The following FBXO16 variants were observed in gnomAD, a reference collection of about 807,000 sequenced individuals.
FBXO16 encodes the protein F-box protein 16.
FBXO16 carries 31 observed loss-of-function variants against 41.0 expected under a neutral mutation model. That is an observed-to-expected ratio of 0.76 (90% CI 0.57 to 1.02). The LOEUF is 1.02. Ranked by LOEUF, FBXO16 falls within the 50% of genes least tolerant of loss-of-function variation. The pLI is 0.00. For synonymous variants in FBXO16, 133 were observed against 117.8 expected, an observed-to-expected ratio of 1.13 and a Z score of -0.84; for missense variants, 361 against 346.2, an observed-to-expected ratio of 1.04 and a Z score of -0.34.
At chr8:28,462,452 G>A (rs180849071) in intron 4 of FBXO16, among the ~76,000 whole-genome samples, 26 of 151,186 alleles carry the variant, frequency 1.7e-4, no homozygotes, top group Admixed American at 3.9e-4. Flanking sequence ...CTAATTTTTC[G>A]TATTTTTAGT....
At chr8:28,448,451 A>G (rs1429701880) in intron 6 of FBXO16, among the ~76,000 whole-genome samples, 2 of 152,128 alleles carry the variant, frequency 1.3e-5, no homozygotes, top group African/African-American at 4.8e-5. Context: ...CTTATTTTGT[A>G]TATTTAATTT....
chr8:28,445,742 T>C (rs1471389348), intron 7 of FBXO16, among the ~76,000 whole-genome samples: 1 of 152,226 alleles, frequency 6.6e-6, no homozygotes. Context: ...CTCATCTCTC[T>C]CTCTCTTTCT....
chr8:28,447,425 G>C (rs1172620957), intron 6 of FBXO16, 152 bp from the exon 7 acceptor site: 2 of 621,488 alleles, frequency 3.2e-6, no homozygotes, highest in African/African-American at 3.7e-5. Context: ...TATCAATAGA[G>C]AACTGGTTGC....
intron 1 of FBXO16, among the ~76,000 whole-genome samples, chr8:28,484,280 T>C (rs887210823): frequency 6.6e-6 from 1 of 152,188 alleles, no homozygotes; most frequent in Non-Finnish European, 1.5e-5. Flanking sequence ...GATATCCAAG[T>C]AACAGGAACT....
intron 7 of FBXO16, among the ~76,000 whole-genome samples, chr8:28,429,793 G>A (rs1347781605): frequency 2.0e-5 from 3 of 152,054 alleles, no homozygotes; most frequent in Non-Finnish European, 1.5e-5. Context: ...TCCAGCTAAC[G>A]TGCTCCCTCT....
chr8:28,451,362 TTCTG>T (rs1269697183), intron 6 of FBXO16, among the ~76,000 whole-genome samples: 1 of 149,676 alleles, frequency 6.7e-6, no homozygotes, highest in Non-Finnish European at 1.5e-5. Context: ...CTTTCTCTCT[TTCTG>T]TCTCTTTGTT....
At chr8:28,464,802 C>T (rs62502434) in intron 3 of FBXO16, among the ~76,000 whole-genome samples, 5,177 of 152,074 alleles carry the variant, frequency 0.034, 98 homozygotes, top group African/African-American at 0.039. Context: ...TACAGGCACG[C>T]GCCACCGCAC....
At position 28,447,284 on chromosome 8, in the gene FBXO16, G is replaced by A; in HGVS notation, c.741-11C>T. ...TTTCTTTTTCTTCTTCTGTAAATTG[G>A]AAAGCAGTGGGAAAATTACAAAGTA... On this transcript the variant is annotated splice_polypyrimidine_tract_variant and intron_variant, in intron 6 of 8. Coordinates refer to ENST00000380254, the MANE Select transcript of FBXO16 (RefSeq NM_172366.4). 2.5e-6 allele frequency: 4 copies of A among 1,603,098 alleles called. No individual in the cohort carries two copies. Among genetic ancestry groups the A allele is most frequent in the Non-Finnish European group, 3.4e-6 (4 of 1,173,096 alleles).
chr8:28,463,852 CTCCAGGT>C, intron 3 of FBXO16, 34 bp from the exon 4 acceptor site: 1 of 1,602,026 alleles, frequency 6.2e-7, no homozygotes, highest in Non-Finnish European at 8.5e-7. Flanking sequence ...ATGTAAAAAG[CTCCAGGT>C]TTAGTCTGAT....
chr8:28,457,569 C>T (rs1803058706), intron 4 of FBXO16, among the ~76,000 whole-genome samples: 1 of 152,080 alleles, frequency 6.6e-6, no homozygotes, highest in Non-Finnish European at 1.5e-5. Context: ...AAGGGGAAAC[C>T]CTTTATAAAA....
chr8:28,471,671 A>G (rs1287063382), intron 3 of FBXO16, among the ~76,000 whole-genome samples: 4 of 152,082 alleles, frequency 2.6e-5, no homozygotes, highest in Admixed American at 6.6e-5. Flanking sequence ...GAGAAAAACA[A>G]GAGACCATTA....
At chr8:28,464,868 G>A (rs1229975645) in intron 3 of FBXO16, among the ~76,000 whole-genome samples, 1 of 152,084 alleles carries the variant, frequency 6.6e-6, no homozygotes, top group Non-Finnish European at 1.5e-5. Context: ...TGGTCAGGCT[G>A]GTCTCGAACT....
At chr8:28,484,602 T>A (rs1277480640) in intron 1 of FBXO16, among the ~76,000 whole-genome samples, 3 of 152,156 alleles carry the variant, frequency 2.0e-5, no homozygotes. Flanking sequence ...AACTGATTGA[T>A]TTATTTTGAG....
chr8:28,484,281 A>G (rs1004141600), intron 1 of FBXO16, among the ~76,000 whole-genome samples: 4 of 152,226 alleles, frequency 2.6e-5, no homozygotes, highest in African/African-American at 7.2e-5. Flanking sequence ...ATATCCAAGT[A>G]ACAGGAACTC....
chr8:28,430,211 T>C (rs1347845867), intron 7 of FBXO16, among the ~76,000 whole-genome samples: 1 of 152,198 alleles, frequency 6.6e-6, no homozygotes, highest in South Asian at 2.1e-4. Flanking sequence ...TAGCTGGGAC[T>C]ACAGGTATGC....
intron 7 of FBXO16, among the ~76,000 whole-genome samples, chr8:28,435,171 A>ACT (rs570034671): frequency 7.1e-6 from 1 of 140,964 alleles, no homozygotes; most frequent in African/African-American, 2.6e-5. Context: ...ATGAGGGCAG[A>ACT]TTTTTTTTTT....
At chr8:28,485,949 A>G (rs1273834239) in intron 1 of FBXO16, among the ~76,000 whole-genome samples, 2 of 151,936 alleles carry the variant, frequency 1.3e-5, no homozygotes, top group Non-Finnish European at 2.9e-5. Context: ...CTCTACTAAA[A>G]ATACAAAAAT....
intron 1 of FBXO16, among the ~76,000 whole-genome samples, chr8:28,489,490 A>G (rs1253768487): frequency 6.8e-6 from 1 of 147,672 alleles, no homozygotes; most frequent in Non-Finnish European, 1.5e-5. Context: ...GGAATTCCAG[A>G]CCAGCCTGGG....
intron 7 of FBXO16, among the ~76,000 whole-genome samples, chr8:28,431,698 C>T (rs555450694): frequency 4.6e-5 from 7 of 152,184 alleles, no homozygotes; most frequent in East Asian, 1.9e-4. Context: ...CACCTCCAGA[C>T]GCGGCAAGGC....
Sources: allele counts gnomAD v4.1 joint callset (sites outside exome capture counted in the v4.1 genomes callset), GRCh38; gene constraint gnomAD v4.1.1; transcripts MANE v1.5; gene names NCBI Gene and HGNC (gene_info 2026-07-23, HGNC 2026-07-21).